The following MAP3K6 variants were observed in gnomAD, a reference collection of about 807,000 sequenced individuals.
MAP3K6 encodes mitogen-activated protein kinase kinase kinase 6, also known as apoptosis signal-regulating kinase 2.
A neutral mutation model predicts 147.1 loss-of-function variants in MAP3K6; 105 were observed. That is an observed-to-expected ratio of 0.71 (90% CI 0.61 to 0.84). The LOEUF (loss-of-function observed/expected upper bound fraction) is 0.84. MAP3K6 is among the 40% of genes least tolerant of loss of function. MAP3K6 has a pLI of 0.00. For missense variants in MAP3K6, 1,569 were observed against 1,715.0 expected (o/e 0.91, Z 1.50); for synonymous variants, 695 against 732.4 (o/e 0.95, Z 0.82).
chr1:27,363,893 A>G (rs1427698505), intron 5 of MAP3K6, 24 bp downstream of exon 5: 1 of 1,542,746 alleles, frequency 6.5e-7, no homozygotes, highest in East Asian at 2.3e-5. Context: ...CAGCTGCCCT[A>G]CTGCCTCTCT....
Position 27,360,580 on chromosome 1 carries a change from G to A in MAP3K6, c.2054+125C>T, listed in dbSNP as rs968716807. ...TCCGCCCACGGGCCCAGTCCACAGG[G>A]CTCGAACTCTCAGGTCCTACGAGCC... On this transcript the variant is annotated intron_variant, in intron 15 of 28. Transcript: ENST00000357582. This position sits in a 1 kb window ranked among gnomAD's most constrained non-coding sequence, Gnocchi z 4.5. The A allele has an allele frequency of 7.0e-7, 1 of 1,437,854 alleles. No homozygotes were observed. The highest frequency in any genetic ancestry group is 9.2e-7 in the Non-Finnish European group (1 of 1,084,614). 89.1% of individuals were successfully genotyped at this position (1,437,854 alleles called of 1,614,324 possible).
In MAP3K6 at chr1:27,360,874, G is replaced by T. The variant is rs764203955; in HGVS notation, c.1921-36C>A. The stretch of plus-strand genomic sequence containing the variant: ...CGGGGTGAGATGGGAGTTCAGCAGG[G>T]CCCGCGGCCCCTCGCCCTCCGCGAG... On this transcript the variant is annotated intron_variant, in intron 14 of 28. Coordinates refer to ENST00000357582, the MANE Select transcript of MAP3K6 (RefSeq NM_004672.5). The surrounding 1 kb of genome is among the most constrained non-coding windows in gnomAD (Gnocchi z 4.5). 1 of 1,610,856 alleles carries T rather than the reference G, an allele frequency of 6.2e-7. No homozygotes were observed.
chr1:27,362,786 T>C (rs749137438), intron 7 of MAP3K6, 33 bp from the exon 8 acceptor site: 7 of 1,610,004 alleles, frequency 4.3e-6, no homozygotes, highest in Admixed American at 3.3e-5. Flanking sequence ...AGGGCTGGAC[T>C]GATGCCCACA....
intron 1 of MAP3K6, among the ~76,000 whole-genome samples, chr1:27,365,414 T>C (rs189616872): frequency 2.2e-4 from 34 of 152,300 alleles, no homozygotes; most frequent in Non-Finnish European, 4.9e-4. Flanking sequence ...TGAGTCAACA[T>C]GTATGCGATT....
At chr1:27,365,323 T>G (rs945976135) in intron 1 of MAP3K6, among the ~76,000 whole-genome samples, 8 of 152,194 alleles carry the variant, frequency 5.3e-5, no homozygotes, top group Non-Finnish European at 1.0e-4. Context: ...CCTAAATGTA[T>G]GTATGTGTAT....
chr1:27,361,382 C>T lies in MAP3K6; in HGVS notation c.1700G>A (p.Ser567Asn). 1 of 1,613,880 alleles carries T rather than the reference C, an allele frequency of 6.2e-7. No homozygotes were observed. The highest frequency in any genetic ancestry group is 1.1e-5 in the South Asian group (1 of 91,056). The change falls in exon 12 of 29, where the codon AGC becomes AAC. Residue 567 changes from serine to asparagine, a missense_variant. Physicochemically the swap from Ser to Asn is conservative, Grantham distance 46. Transcript: ENST00000357582. ...TATGGAGGCGACTGGGAAGGTCCAG[C>T]TGGAGGGAATGTCCTGCAAGAAGAA... ...LEPETQDIPS[S>N]WTFPVASICG...
At position 27,366,414 on chromosome 1, in the gene MAP3K6, G is replaced by C. The variant is rs1188688226; in HGVS notation, c.184C>G (p.Arg62Gly). ...TREPQPGLEP[R>G]EGTEAEPLPL... ...AGCGGCTCCGCCTCGGTTCCCTCCC[G>C]AGGCTCGAGCCCGGGCTGCGGCTCC... Residue 62 changes from arginine to glycine, a missense_variant, in exon 1 of 29, where the codon CGG becomes GGG. Coordinates refer to ENST00000357582, the MANE Select transcript of MAP3K6 (RefSeq NM_004672.5). The surrounding 1 kb of genome is among the most constrained non-coding windows in gnomAD (Gnocchi z 5.5). The C allele has an allele frequency of 1.3e-5, 16 of 1,228,502 alleles. No homozygotes were observed. The highest frequency in any genetic ancestry group is 1.5e-5 in the Non-Finnish European group (15 of 985,322). The allele number at this position is 1,228,502 out of a possible 1,614,324, so 76.1% of individuals were successfully genotyped here. A position where few individuals can be genotyped will look rare whatever the true frequency, so the allele number is the denominator to read the frequency against.
At position 27,361,716 on chromosome 1, in the gene MAP3K6, C is replaced by A; in HGVS notation, c.1567G>T (p.Asp523Tyr). ...CCTACAGGCCTCACCAAGCACTGGT[C>A]GCCCTGGGCACAGGCTGTCTTGAAT... ...QPFKTACAQG[D>Y]QCLVLVLEMN... Residue 523 changes from aspartate (D) to tyrosine (Y), a missense_variant, in exon 10 of 29, where the codon GAC becomes TAC. Physicochemically the swap from Asp to Tyr is radical, Grantham distance 160. Transcript: ENST00000357582. 1 of 1,613,300 alleles carries A rather than the reference C, an allele frequency of 6.2e-7. No individual in the cohort carries two copies. Among genetic ancestry groups the A allele is most frequent in the Non-Finnish European group, 8.5e-7 (1 of 1,179,528 alleles).
At position 27,364,887 on chromosome 1, in the gene MAP3K6, G is replaced by A. The variant is rs1200857615; in HGVS notation, c.366C>T (p.Ser122=). Residue 122 remains serine, a synonymous_variant, in exon 2 of 29, where the codon AGC becomes AGT. Coordinates refer to ENST00000357582, the MANE Select transcript of MAP3K6 (RefSeq NM_004672.5). This position sits in a 1 kb window ranked among gnomAD's most constrained non-coding sequence, Gnocchi z 4.4. ...AGAACAGGGAGGGCTGTACCAGCGAGCTGCTCACCTCCAGCACCACCACAT... is the reference window on the plus strand; with the variant it reads ...AGAACAGGGAGGGCTGTACCAGCGAACTGCTCACCTCCAGCACCACCACAT... ...NADVVVLEVS[S]SLVQPSLFYH... is the part of the protein sequence containing the mutation. 6.2e-7 allele frequency: 1 copy of A among 1,601,556 alleles called. No homozygotes were observed. Among genetic ancestry groups the A allele is most frequent in the East Asian group, 2.2e-5 (1 of 44,636 alleles).
intron 6 of MAP3K6, 118 bp downstream of exon 6, chr1:27,363,324 C>T: frequency 1.2e-6 from 1 of 851,014 alleles, no homozygotes; most frequent in Non-Finnish European, 1.8e-6. Flanking sequence ...CATCAGTGAC[C>T]CCGGTCAGCA....
Position 27,364,859 on chromosome 1 carries a change from G to T in MAP3K6, c.394C>A (p.His132Asn). 6.2e-7 allele frequency: 1 copy of T among 1,611,674 alleles called. No homozygotes were observed. Among genetic ancestry groups the T allele is most frequent in the Non-Finnish European group, 8.5e-7 (1 of 1,178,154 alleles). Residue 132 changes from histidine to asparagine, a missense_variant, in exon 2 of 29, where the codon CAC becomes AAC. By Grantham distance (68) the His-to-Asn change is moderately conservative. Coordinates refer to ENST00000357582, the MANE Select transcript of MAP3K6 (RefSeq NM_004672.5). The surrounding 1 kb of genome is among the most constrained non-coding windows in gnomAD (Gnocchi z 4.4). The part of the protein sequence containing the change: ...SSLVQPSLFY[H>N]LGVRESFSMT... ...CTGAAGCTCTCACGCACACCAAGGTGGTAGAACAGGGAGGGCTGTACCAGC... is the reference window on the plus strand; with the variant it reads ...CTGAAGCTCTCACGCACACCAAGGTTGTAGAACAGGGAGGGCTGTACCAGC...
Position 27,360,332 on chromosome 1 carries a change from G to C in MAP3K6, c.2091C>G (p.His697Gln). The change falls in exon 16 of 29, where the codon CAC becomes CAG. Residue 697 changes from histidine to glutamine, a missense_variant. By Grantham distance (24) the His-to-Gln change is conservative (BLOSUM62 0). Transcript: ENST00000357582. The surrounding 1 kb of genome is among the most constrained non-coding windows in gnomAD (Gnocchi z 4.5). ...SQPLHEEIAL[H>Q]RRLRHKNIVR... Reference sequence around the variant, plus strand: ...CTATGTTCTTGTGGCGCAGGCGTCTGTGAAGAGCGATCTCTTCATGCAGGG... The same window carrying C: ...CTATGTTCTTGTGGCGCAGGCGTCTCTGAAGAGCGATCTCTTCATGCAGGG... 2 of 1,614,056 alleles carry C rather than the reference G, an allele frequency of 1.2e-6. No individual in the cohort carries two copies. Among genetic ancestry groups the C allele is most frequent in the Non-Finnish European group, 1.7e-6 (2 of 1,179,990 alleles).
In MAP3K6 at chr1:27,355,435, A is replaced by T. The variant is rs770013342; in HGVS notation, c.3823T>A (p.Leu1275Met). Residue 1275 changes from leucine to methionine, a missense_variant, in exon 29 of 29, where the codon TTG becomes ATG. Coordinates refer to ENST00000357582, the MANE Select transcript of MAP3K6 (RefSeq NM_004672.5). ...GGTGTGGATCCTGCTCGCTGTGCCA[A>T]GATGGCCCTCCAGATGCGGCATACC... ...GMVCRIWRAILAQRAGSTPVT... is the reference protein window; with the variant it reads ...GMVCRIWRAIMAQRAGSTPVT... 6.2e-7 allele frequency: 1 copy of T among 1,614,008 alleles called. No homozygotes were observed. The highest frequency in any genetic ancestry group is 2.2e-5 in the East Asian group (1 of 44,860).
At position 27,363,319 on chromosome 1, in the gene MAP3K6, G is replaced by T. The variant is rs2015852972; in HGVS notation, c.971+123C>A. 3 of 791,670 alleles carry T rather than the reference G, an allele frequency of 3.8e-6. 1 individual carries two copies. In the East Asian group the frequency reaches 8.2e-5, roughly 22 times the overall value. 49.0% of individuals were successfully genotyped at this position (791,670 alleles called of 1,614,324 possible). On this transcript the variant is annotated intron_variant, in intron 6 of 28. Coordinates refer to ENST00000357582, the MANE Select transcript of MAP3K6 (RefSeq NM_004672.5). ...GAACAACAGGGACCTATTGACATCA[G>T]TGACCCCGGTCAGCAAATTCCCCGA... is the stretch of plus-strand genomic sequence containing the variant.
rs1232134196 is a variant in MAP3K6, at chr1:27,358,893, C to T, written c.2426-27G>A. 1.3e-6 allele frequency: 2 copies of T among 1,538,350 alleles called. No individual in the cohort carries two copies. The highest frequency in any genetic ancestry group is 1.7e-6 in the Non-Finnish European group (2 of 1,143,048). On this transcript the variant is annotated intron_variant, in intron 18 of 28. Coordinates refer to ENST00000357582, the MANE Select transcript of MAP3K6 (RefSeq NM_004672.5). This position sits in a 1 kb window ranked among gnomAD's most constrained non-coding sequence, Gnocchi z 6.2. ...TAGGACAGAAACAGGAGCACCAATG[C>T]CCATCTAGGCTTCATCATGGGGTTG...
Position 27,356,696 on chromosome 1 carries a change from C to G in MAP3K6, c.3418G>C (p.Asp1140His), listed in dbSNP as rs139211054. Residue 1140 changes from aspartate to histidine, a missense_variant, in exon 25 of 29, where the codon GAC becomes CAC. Transcript: ENST00000357582. ...TGCTGGCCTGGGCTCTGCTGGGAGTCCCCTTCATTACTCAGCTCCTCTGAC... is the reference window on the plus strand; with the variant it reads ...TGCTGGCCTGGGCTCTGCTGGGAGTGCCCTTCATTACTCAGCTCCTCTGAC... ...PRSEELSNEGDSQQSPGQQSP... is the reference protein window; with the variant it reads ...PRSEELSNEGHSQQSPGQQSP... 1.2e-6 allele frequency: 2 copies of G among 1,607,522 alleles called. No individual in the cohort carries two copies. The highest frequency in any genetic ancestry group is 8.5e-7 in the Non-Finnish European group (1 of 1,176,628).
In MAP3K6 at chr1:27,360,584, G is replaced by A; in HGVS notation, c.2054+121C>T. On this transcript the variant is annotated intron_variant, in intron 15 of 28. Coordinates refer to ENST00000357582, the MANE Select transcript of MAP3K6 (RefSeq NM_004672.5). The surrounding 1 kb of genome is among the most constrained non-coding windows in gnomAD (Gnocchi z 4.5). ...CCCACGGGCCCAGTCCACAGGGCTC[G>A]AACTCTCAGGTCCTACGAGCCCGCC... 2 of 1,444,536 alleles carry A rather than the reference G, an allele frequency of 1.4e-6. No individual in the cohort carries two copies. Among genetic ancestry groups the A allele is most frequent in the Non-Finnish European group, 9.2e-7 (1 of 1,090,780 alleles). 89.5% of individuals were successfully genotyped at this position (1,444,536 alleles called of 1,614,324 possible). A position where few individuals can be genotyped will look rare whatever the true frequency, so the allele number is the denominator to read the frequency against.
chr1:27,356,258 C>T (rs539326670), intron 26 of MAP3K6, 130 bp downstream of exon 26: 1 of 1,103,488 alleles, frequency 9.1e-7, no homozygotes, highest in African/African-American at 1.6e-5. Flanking sequence ...GCCTCGAACC[C>T]ACCAATAATG....
intron 27 of MAP3K6, 139 bp downstream of exon 27, chr1:27,355,887 C>T: frequency 8.9e-7 from 1 of 1,127,380 alleles, no homozygotes. Context: ...CTCATCCATA[C>T]AATGGGACGA....
Sources: gnomAD v4.1 joint callset for allele counts (sites outside exome capture counted in the v4.1 genomes callset) on GRCh38, gnomAD v4.1.1 for gene constraint, Gnocchi (gnomAD v3.1) non-coding constraint, MANE v1.5 for transcripts, NCBI Gene and HGNC (gene_info 2026-07-23, HGNC 2026-07-21) for gene names.